IFT56: variants seen among roughly 807,000 people sequenced by gnomAD.
IFT56 encodes the protein intraflagellar transport 56.
the IFT56 span, among the ~76,000 whole-genome samples, chr7:139,154,161 T>C: frequency 2.4e-4 from 37 of 152,198 alleles, no homozygotes; most frequent in African/African-American, 8.7e-4. Flanking sequence ...TTAAGTTCTT[T>C]GCCCATTTTT....
At chr7:139,175,915 C>T in the IFT56 span, among the ~76,000 whole-genome samples, 19 of 152,182 alleles carry the variant, frequency 1.2e-4, 1 homozygote, top group South Asian at 2.1e-3. Flanking sequence ...CTGCAACCTC[C>T]GCCTCCCGGG....
At chr7:139,134,960 C>G in the IFT56 span, among the ~76,000 whole-genome samples, 8 of 152,232 alleles carry the variant, frequency 5.3e-5, no homozygotes, top group African/African-American at 1.4e-4. Context: ...TCCAAGTTAG[C>G]TATAAACCTG....
chr7:139,140,444 G>A, the IFT56 span, among the ~76,000 whole-genome samples: 18 of 138,496 alleles, frequency 1.3e-4, no homozygotes, highest in Non-Finnish European at 2.4e-4. Flanking sequence ...ATCTCAGGGC[G>A]ATTGTACTCA....
the IFT56 span, among the ~76,000 whole-genome samples, chr7:139,185,328 A>T: frequency 6.6e-6 from 1 of 152,058 alleles, no homozygotes; most frequent in South Asian, 2.1e-4. Context: ...TGATTTTTAT[A>T]TTGTGATATT....
the IFT56 span, chr7:139,172,973 G>T: frequency 1.4e-6 from 1 of 727,716 alleles, no homozygotes; most frequent in Non-Finnish European, 2.6e-6. Flanking sequence ...CGCTTGGGCT[G>T]AGGTGAGGTG....
At chr7:139,165,630 T>C in the IFT56 span, among the ~76,000 whole-genome samples, 1 of 152,334 alleles carries the variant, frequency 6.6e-6, no homozygotes, top group East Asian at 1.9e-4. Context: ...TTTGCTTTGA[T>C]TGTCTGCCTT....
At chr7:139,183,725 A>G in the IFT56 span, among the ~76,000 whole-genome samples, 2 of 152,122 alleles carry the variant, frequency 1.3e-5, no homozygotes, top group African/African-American at 2.4e-5. Context: ...TTTAATAAAC[A>G]TACTTACCAT....
the IFT56 span, chr7:139,148,138 G>C: frequency 2.1e-6 from 3 of 1,430,428 alleles, no homozygotes; most frequent in African/African-American, 2.8e-5. Flanking sequence ...TTGTCCATTT[G>C]AGCTTTGTAA....
the IFT56 span, among the ~76,000 whole-genome samples, chr7:139,147,777 A>G: frequency 2.6e-5 from 4 of 152,134 alleles, no homozygotes; most frequent in African/African-American, 4.8e-5. Flanking sequence ...TTACATTCCA[A>G]CTTTAAACAC....
the IFT56 span, among the ~76,000 whole-genome samples, chr7:139,174,784 G>A: frequency 1.6e-4 from 25 of 152,292 alleles, no homozygotes; most frequent in African/African-American, 4.8e-4. Flanking sequence ...ACTTTGGGAG[G>A]CTGAGGCGGG....
the IFT56 span, chr7:139,139,896 G>A: frequency 9.9e-6 from 16 of 1,608,452 alleles, no homozygotes; most frequent in African/African-American, 1.3e-5. Context: ...TCAGGAATAC[G>A]AAAATGCTAC....
chr7:139,142,370 T>G, the IFT56 span: 1 of 1,340,008 alleles, frequency 7.5e-7, no homozygotes, highest in Non-Finnish European at 1.1e-6. Flanking sequence ...TCCTTCTTGT[T>G]ACTAACACTA....
chr7:139,167,300 T>C, the IFT56 span, among the ~76,000 whole-genome samples: 1 of 152,232 alleles, frequency 6.6e-6, no homozygotes. Flanking sequence ...CTATATTGTA[T>C]CTCTAACACT....
At chr7:139,155,279 C>G in the IFT56 span, among the ~76,000 whole-genome samples, 1 of 152,122 alleles carries the variant, frequency 6.6e-6, no homozygotes, top group African/African-American at 2.4e-5. Context: ...TACTACCTTT[C>G]CAGTCTGGAT....
At chr7:139,169,345 T>A in the IFT56 span, 1 of 1,613,950 alleles carries the variant, frequency 6.2e-7, no homozygotes, top group South Asian at 1.1e-5. Context: ...GATCAGCTAG[T>A]GAATGTGGTA....
the IFT56 span, chr7:139,160,967 T>G: frequency 2.0e-5 from 32 of 1,613,426 alleles, no homozygotes; most frequent in Non-Finnish European, 2.6e-5. Flanking sequence ...AAAAGCTTGA[T>G]GGACAATGCT....
At chr7:139,181,156 G>C in the IFT56 span, 8 of 1,613,198 alleles carry the variant, frequency 5.0e-6, no homozygotes, top group African/African-American at 8.0e-5. Context: ...CCTCCGGCGA[G>C]TCCTTCAGTC....
chr7:139,175,037 AAAG>A, the IFT56 span, among the ~76,000 whole-genome samples: 36,996 of 151,268 alleles, frequency 0.24, 8,184 homozygotes, highest in African/African-American at 0.56. Context: ...AGAAAGAAAG[AAAG>A]AAAAAAAAAG....
At chr7:139,148,369 G>A in the IFT56 span, 1 of 1,608,334 alleles carries the variant, frequency 6.2e-7, no homozygotes, top group East Asian at 2.2e-5. Context: ...CAATGGCAGA[G>A]CAGCTGAGGT....
Sources: allele counts gnomAD v4.1 joint callset (sites outside exome capture counted in the v4.1 genomes callset), GRCh38; gene constraint gnomAD v4.1.1; transcripts MANE v1.5; gene names NCBI Gene and HGNC (gene_info 2026-07-23, HGNC 2026-07-21).